The following EFL1 variants were observed in gnomAD, a reference collection of about 807,000 sequenced individuals.
EFL1 encodes the protein elongation factor like GTPase 1.
In EFL1, 76 loss-of-function variants were observed where a neutral mutation model predicts 126.7. That is an observed-to-expected ratio of 0.60 (90% CI 0.50 to 0.73). The LOEUF (loss-of-function observed/expected upper bound fraction) is 0.73, where lower values mean the gene tolerates loss of function less well. Ranked by LOEUF, EFL1 falls within the 30% of genes least tolerant of loss-of-function variation. The probability of loss-of-function intolerance (pLI) is 0.00; values close to 1 mark genes in which losing one functional copy is unlikely to be tolerated. For synonymous variants in EFL1, 410 were observed against 448.4 expected, an observed-to-expected ratio of 0.91 and a Z score of 1.08; for missense variants, 1,128 against 1,343.2, an observed-to-expected ratio of 0.84 and a Z score of 2.50.
At chr15:82,181,242 T>C (rs1163630375) in intron 15 of EFL1, among the ~76,000 whole-genome samples, 1 of 152,210 alleles carries the variant, frequency 6.6e-6, no homozygotes, top group Non-Finnish European at 1.5e-5. Flanking sequence ...TAACTGACTG[T>C]GACAAAATGC....
intron 16 of EFL1, among the ~76,000 whole-genome samples, chr15:82,160,232 G>T (rs2074008898): frequency 6.6e-6 from 1 of 152,200 alleles, no homozygotes; most frequent in African/African-American, 2.4e-5. Context: ...CATGTAGAGA[G>T]GAACTGAGAT....
At chr15:82,197,144 T>C (rs1254181497) in intron 15 of EFL1, among the ~76,000 whole-genome samples, 1 of 152,200 alleles carries the variant, frequency 6.6e-6, no homozygotes, top group Non-Finnish European at 1.5e-5. Flanking sequence ...TTTACTATTG[T>C]CATTTTAGAA....
chr15:82,146,065 G>T (rs1055770626), intron 18 of EFL1, among the ~76,000 whole-genome samples: 1 of 151,950 alleles, frequency 6.6e-6, no homozygotes, highest in Non-Finnish European at 1.5e-5. Context: ...AGTAAAAAAT[G>T]ATAATAAACC....
intron 15 of EFL1, among the ~76,000 whole-genome samples, chr15:82,177,674 A>AC (rs1445348067): frequency 2.0e-5 from 3 of 152,278 alleles, no homozygotes; most frequent in Admixed American, 6.5e-5. Context: ...GGAAAGCAAA[A>AC]CAAGTCCCAG....
chr15:82,169,513 C>T (rs2074112244), intron 15 of EFL1, among the ~76,000 whole-genome samples: 2 of 152,254 alleles, frequency 1.3e-5, no homozygotes, highest in African/African-American at 2.4e-5. Flanking sequence ...AGATTCCTGA[C>T]ATGGACAACT....
rs1360517127 is a variant in EFL1 at position 82,228,333 on chromosome 15, G to T, written c.933-6C>A. The stretch of plus-strand genomic sequence containing the variant: ...TATCAATTTTGTCTTTGTCCCTGTG[G>T]TAAACACAAGATTGGAGAGGGGAAA... On this transcript the variant is annotated splice_polypyrimidine_tract_variant and splice_region_variant and intron_variant, in intron 9 of 19. Coordinates refer to ENST00000268206, the MANE Select transcript of EFL1 (RefSeq NM_024580.6). The T allele has an allele frequency of 6.2e-7, 1 of 1,612,422 alleles. No homozygotes were observed. The highest frequency in any genetic ancestry group is 2.2e-5 in the East Asian group (1 of 44,842).
chr15:82,258,427 T>A (rs533551413), intron 3 of EFL1, among the ~76,000 whole-genome samples: 78 of 152,212 alleles, frequency 5.1e-4, no homozygotes, highest in African/African-American at 1.8e-3. Flanking sequence ...GGTGTGCACC[T>A]GTAGTCCCAG....
At chr15:82,222,198 C>A (rs946606065) in intron 12 of EFL1, among the ~76,000 whole-genome samples, 26 of 152,124 alleles carry the variant, frequency 1.7e-4, no homozygotes, top group Admixed American at 2.0e-4. Flanking sequence ...TATATTATAG[C>A]ACATAATTTA....
At chr15:82,159,236 AG>A (rs1363677846) in intron 16 of EFL1, among the ~76,000 whole-genome samples, 2 of 152,216 alleles carry the variant, frequency 1.3e-5, no homozygotes, top group African/African-American at 4.8e-5. Flanking sequence ...CTGGCTTAAA[AG>A]GATTCCTGCA....
intron 15 of EFL1, among the ~76,000 whole-genome samples, chr15:82,172,624 A>G (rs886416727): frequency 8.5e-5 from 13 of 152,248 alleles, no homozygotes; most frequent in African/African-American, 3.1e-4. Context: ...AGTTTAATAT[A>G]CACCGAATTT....
intron 15 of EFL1, among the ~76,000 whole-genome samples, chr15:82,164,363 A>T (rs2074055802): frequency 6.6e-6 from 1 of 152,178 alleles, no homozygotes; most frequent in South Asian, 2.1e-4. Context: ...TACTGAAATA[A>T]TCTTCTGCCA....
rs181043208 is a variant in EFL1 at position 82,238,326 on chromosome 15, T to C, written c.712A>G (p.Ile238Val). The change falls in exon 7 of 20, where the codon ATA becomes GTA. Residue 238 changes from isoleucine to valine, a missense_variant. By Grantham distance (29) the Ile-to-Val change is conservative. Around this residue, in one of 6 missense-constraint regions of EFL1, gnomAD observed 316 missense variants for 318.5 expected, o/e 0.99. Transcript: ENST00000268206. ...EQGNVVFTSA[I>V]DGWGFGIEHF... ...ACTTACCCAAAGCCCCACCCATCTA[T>C]TGCACTGGTAAACACCACATTTCCC... The C allele has an allele frequency of 1.0e-4, 165 of 1,614,170 alleles. 1 individual carries two copies. The African/African-American group carries it at 1.8e-3, about 18-fold the overall frequency.
intron 15 of EFL1, among the ~76,000 whole-genome samples, chr15:82,186,600 G>C (rs967763317): frequency 6.6e-6 from 1 of 152,010 alleles, no homozygotes; most frequent in Non-Finnish European, 1.5e-5. Flanking sequence ...TAATTAACTC[G>C]ATTATAAATT....
intron 17 of EFL1, among the ~76,000 whole-genome samples, chr15:82,156,321 T>A (rs909379331): frequency 6.6e-6 from 1 of 152,102 alleles, no homozygotes; most frequent in Non-Finnish European, 1.5e-5. Context: ...AGAGTCTTGC[T>A]CTGTTGCCAG....
chr15:82,224,101 A>G (rs1370308487), intron 12 of EFL1, among the ~76,000 whole-genome samples: 1 of 152,218 alleles, frequency 6.6e-6, no homozygotes, highest in Non-Finnish European at 1.5e-5. Flanking sequence ...TATATTAGAG[A>G]AACAGAAATA....
At chr15:82,179,218 C>A (rs2074224306) in intron 15 of EFL1, among the ~76,000 whole-genome samples, 1 of 152,090 alleles carries the variant, frequency 6.6e-6, no homozygotes, top group Non-Finnish European at 1.5e-5. Context: ...GGCAATACTT[C>A]CTAGTATACT....
chr15:82,259,070 T>C lies in EFL1; in HGVS notation c.159+18A>G. ...CTAATACTGAAATGCAACAAGTATT[T>C]ATAAAATAATAACATACCTTGCCTG... On this transcript the variant is annotated intron_variant, in intron 3 of 19. Coordinates refer to ENST00000268206, the MANE Select transcript of EFL1 (RefSeq NM_024580.6). The C allele has an allele frequency of 6.2e-7, 1 of 1,608,242 alleles. No individual in the cohort carries two copies. Among genetic ancestry groups the C allele is most frequent in the Non-Finnish European group, 8.5e-7 (1 of 1,175,072 alleles).
intron 15 of EFL1, among the ~76,000 whole-genome samples, chr15:82,199,082 AAAGG>A (rs1433143554): frequency 6.6e-6 from 1 of 152,138 alleles, no homozygotes; most frequent in African/African-American, 2.4e-5. Flanking sequence ...GGATCCTGAG[AAAGG>A]AAGGCTTATG....
rs2074625807 is a variant in EFL1 at position 82,214,623 on chromosome 15, A to G, written c.1750+94T>C. The G allele has an allele frequency of 3.5e-6, 5 of 1,443,610 alleles. No homozygotes were observed. In the African/African-American group the frequency reaches 4.4e-5, roughly 13 times the overall value. 89.4% of individuals were successfully genotyped at this position (1,443,610 alleles called of 1,614,324 possible). A position where few individuals can be genotyped will look rare whatever the true frequency, so the allele number is the denominator to read the frequency against. ...AAAAAATTATCAAACTAAAGAATAA[A>G]GTTATTCCCTTCAAAAATTTCACTA... On this transcript the variant is annotated intron_variant, in intron 15 of 19. Coordinates refer to ENST00000268206, the MANE Select transcript of EFL1 (RefSeq NM_024580.6).
Sources: allele counts gnomAD v4.1 joint callset (sites outside exome capture counted in the v4.1 genomes callset), GRCh38; gene constraint gnomAD v4.1.1; regional missense constraint gnomAD v4.1.1; transcripts MANE v1.5; gene names NCBI Gene and HGNC (gene_info 2026-07-23, HGNC 2026-07-21).